Variants in CTNNAL1 observed in about 807,000 individuals in gnomAD.
The protein encoded by CTNNAL1 is catenin alpha like 1.
A neutral mutation model predicts 93.6 loss-of-function variants in CTNNAL1; 69 were observed. The observed-to-expected ratio is 0.74, with a 90% confidence interval of 0.61 to 0.90. CTNNAL1 has a LOEUF of 0.90. Ranked by LOEUF, CTNNAL1 falls within the 40% of genes least tolerant of loss-of-function variation. The probability of loss-of-function intolerance (pLI) is 0.00; values close to 1 mark genes in which losing one functional copy is unlikely to be tolerated. For missense variants in CTNNAL1, 836 were observed against 862.0 expected (o/e 0.97, Z 0.38); for synonymous variants, 286 against 305.4 (o/e 0.94, Z 0.66).
At chr9:108,978,293 G>C (rs375442223) in intron 7 of CTNNAL1, among the ~76,000 whole-genome samples, 3 of 152,328 alleles carry the variant, frequency 2.0e-5, no homozygotes, top group Admixed American at 6.5e-5. Context: ...CTGTTAATAA[G>C]AACATGTGCA....
chr9:108,979,745 A>G (rs112099442), intron 6 of CTNNAL1, among the ~76,000 whole-genome samples: 101 of 152,380 alleles, frequency 6.6e-4, no homozygotes, highest in African/African-American at 2.2e-3. Flanking sequence ...ATACTAAGGC[A>G]GAAAGAGCAT....
rs2132154029 is a variant in CTNNAL1 at position 108,983,180 on chromosome 9, A to G, written c.865T>C (p.Ser289Pro). ...CKPNGETDIS[S>P]ISIFTGIKEF... ...TTAATTCCAGTAAAAATACTGATAG[A>G]TGAAATGTCAGTCTCTCCATTCGGT... Residue 289 changes from serine (S) to proline (P), a missense_variant, in exon 6 of 19, where the codon TCT becomes CCT. Coordinates refer to ENST00000325551, the MANE Select transcript of CTNNAL1 (RefSeq NM_003798.4). 1 of 1,568,066 alleles carries G rather than the reference A, an allele frequency of 6.4e-7. No individual in the cohort carries two copies.
intron 8 of CTNNAL1, 31 bp from the exon 9 acceptor site, chr9:108,972,864 G>GCCCCCCCCC: frequency 4.2e-4 from 60 of 142,224 alleles, no homozygotes; most frequent in Non-Finnish European, 5.6e-4. Flanking sequence ...GGGGGGGTGG[G>GCCCCCCCCC]AGGGTGGAGA....
chr9:108,944,945 A>G (rs985897836), intron 15 of CTNNAL1, among the ~76,000 whole-genome samples: 1 of 152,222 alleles, frequency 6.6e-6, no homozygotes, highest in African/African-American at 2.4e-5. Flanking sequence ...AGTAAGCTTT[A>G]CATCTAGACT....
intron 4 of CTNNAL1, among the ~76,000 whole-genome samples, chr9:108,987,639 T>G (rs1455217622): frequency 6.6e-6 from 1 of 152,180 alleles, no homozygotes; most frequent in Non-Finnish European, 1.5e-5. Flanking sequence ...ATTTTCAAGA[T>G]ATTGATTCTT....
At chr9:109,003,918 T>A (rs749875594) in intron 1 of CTNNAL1, among the ~76,000 whole-genome samples, 8 of 152,350 alleles carry the variant, frequency 5.3e-5, no homozygotes, top group Non-Finnish European at 1.0e-4. Context: ...GTCCACAAAT[T>A]ATTTGCTATT....
At chr9:108,962,293 T>A (rs1348056358) in intron 11 of CTNNAL1, among the ~76,000 whole-genome samples, 1 of 152,162 alleles carries the variant, frequency 6.6e-6, no homozygotes, top group East Asian at 1.9e-4. Context: ...ATGGTTATAA[T>A]AGTCACGGGC....
In CTNNAL1 at chr9:108,952,495, C is replaced by T. The variant is rs1303643022; in HGVS notation, c.1630-1G>A. 1.1e-5 allele frequency: 17 copies of T among 1,613,958 alleles called. No homozygotes were observed. Among genetic ancestry groups the T allele is most frequent in the Non-Finnish European group, 1.4e-5 (17 of 1,180,006 alleles). On this transcript the variant is annotated splice_acceptor_variant, in intron 12 of 18. Transcript: ENST00000325551. LOFTEE classifies it high-confidence loss of function. The stretch of plus-strand genomic sequence containing the variant: ...ATGATTTCAGGTTTGCATTATTCTT[C>T]TGTGACAATAAAAAGATTAAGATTA...
At chr9:109,001,983 G>GT in intron 1 of CTNNAL1, among the ~76,000 whole-genome samples, 1 of 152,342 alleles carries the variant, frequency 6.6e-6, no homozygotes, top group African/African-American at 2.4e-5. Context: ...GAGAGTGGCT[G>GT]TAAAATCGGG....
intron 6 of CTNNAL1, among the ~76,000 whole-genome samples, chr9:108,981,013 G>C (rs1192682336): frequency 1.3e-5 from 2 of 152,202 alleles, no homozygotes; most frequent in African/African-American, 4.8e-5. Context: ...AGATGCCAAA[G>C]AGATAATCAT....
At chr9:108,967,391 C>CAT (rs1175500465) in intron 10 of CTNNAL1, among the ~76,000 whole-genome samples, 1 of 152,000 alleles carries the variant, frequency 6.6e-6, no homozygotes, top group Non-Finnish European at 1.5e-5. Flanking sequence ...TATTCACACA[C>CAT]ACATGTATAC....
Position 108,947,112 on chromosome 9 carries a change from T to C in CTNNAL1, c.1884+1074A>G, listed in dbSNP as rs566159845. On this transcript the variant is annotated intron_variant, in intron 15 of 18. Transcript: ENST00000325551. ...TGAGTGATAAAGTGATAGAAATTTC[T>C]TTCTTTTTTTTTTTTTTTTGAGATG... Among the ~76,000 whole-genome samples, 104 of 136,162 alleles carry C rather than the reference T, an allele frequency of 7.6e-4. 3 individuals are homozygous for C. The South Asian group carries it at 0.023, about 31-fold the overall frequency. 89.3% of individuals were successfully genotyped at this position (136,162 alleles called of 152,430 possible).
intron 1 of CTNNAL1, among the ~76,000 whole-genome samples, chr9:109,011,455 C>G (rs1452077067): frequency 5.9e-5 from 9 of 152,140 alleles, no homozygotes; most frequent in Admixed American, 5.9e-4. Context: ...TTCCTCTGCT[C>G]TCCTACCCTT....
chr9:108,948,129 A>T, intron 15 of CTNNAL1, 57 bp downstream of exon 15: 1 of 1,565,654 alleles, frequency 6.4e-7, no homozygotes, highest in Non-Finnish European at 8.8e-7. Flanking sequence ...GAAAACATTT[A>T]TTACCCACTT....
intron 8 of CTNNAL1, among the ~76,000 whole-genome samples, chr9:108,974,814 A>G (rs963969471): frequency 1.4e-4 from 22 of 152,162 alleles, no homozygotes; most frequent in Non-Finnish European, 5.9e-5. Context: ...GTGAGACCCC[A>G]TCTCAAAAAT....
At chr9:108,946,467 C>T (rs1273708439) in intron 15 of CTNNAL1, among the ~76,000 whole-genome samples, 2 of 152,126 alleles carry the variant, frequency 1.3e-5, no homozygotes, top group Non-Finnish European at 2.9e-5. Flanking sequence ...ATCTAAAATC[C>T]TCTACCCACA....
intron 4 of CTNNAL1, among the ~76,000 whole-genome samples, chr9:108,989,823 G>T (rs1025807717): frequency 5.9e-5 from 9 of 152,314 alleles, no homozygotes; most frequent in Middle Eastern, 6.8e-3. Context: ...GCTGAGGCGG[G>T]CGGATCACCT....
At chr9:108,994,133 G>C (rs1831921646) in intron 2 of CTNNAL1, among the ~76,000 whole-genome samples, 1 of 152,156 alleles carries the variant, frequency 6.6e-6, no homozygotes, top group Non-Finnish European at 1.5e-5. Context: ...TCAGGAGGCT[G>C]AGGCAGAGAA....
chr9:108,970,689 T>C (rs562004300), intron 9 of CTNNAL1, among the ~76,000 whole-genome samples, 195 bp from the exon 10 acceptor site: 1 of 152,270 alleles, frequency 6.6e-6, no homozygotes, highest in Admixed American at 6.5e-5. Flanking sequence ...AAAGCAGATA[T>C]CAATAAAGGT....
Sources: gnomAD v4.1 joint callset for allele counts (sites outside exome capture counted in the v4.1 genomes callset) on GRCh38, gnomAD v4.1.1 for gene constraint, MANE v1.5 for transcripts, NCBI Gene and HGNC (gene_info 2026-07-23, HGNC 2026-07-21) for gene names.